GPC5: variants seen among roughly 807,000 people sequenced by gnomAD.
The protein encoded by GPC5 is glypican-5.
In GPC5, 47 loss-of-function variants were observed where a neutral mutation model predicts 53.9. The ratio of observed to expected loss-of-function variants is 0.87; its 90% CI spans 0.69 to 1.11. The LOEUF is 1.11. Ranked by LOEUF, GPC5 falls within the 50% of genes most tolerant of loss-of-function variation. GPC5 has a pLI of 0.00. For missense variants in GPC5, 748 were observed against 713.1 expected (o/e 1.05, Z -0.56); for synonymous variants, 286 against 263.3 (o/e 1.09, Z -0.84).
At chr13:92,812,259 C>T (rs552195069) in intron 7 of GPC5, among the ~76,000 whole-genome samples, 2 of 151,830 alleles carry the variant, frequency 1.3e-5, no homozygotes, top group Admixed American at 6.6e-5. Flanking sequence ...TTAATTTTCA[C>T]GATGTTTTAT....
At chr13:92,147,420 G>T (rs1593930403) in intron 7 of GPC5, among the ~76,000 whole-genome samples, 1 of 151,758 alleles carries the variant, frequency 6.6e-6, no homozygotes. Context: ...TGTATAAATA[G>T]TATATTTATA....
chr13:92,095,230 G>T (rs2041412844), intron 6 of GPC5, among the ~76,000 whole-genome samples: 1 of 151,844 alleles, frequency 6.6e-6, no homozygotes, highest in South Asian at 2.1e-4. Flanking sequence ...ATATAAATTG[G>T]GCTTATTAAA....
At chr13:92,436,718 ATAT>A (rs560101143) in intron 7 of GPC5, among the ~76,000 whole-genome samples, 93 of 152,284 alleles carry the variant, frequency 6.1e-4, no homozygotes, top group Non-Finnish European at 9.4e-4. Flanking sequence ...TATTTAATTC[ATAT>A]TATTAGGTTA....
intron 7 of GPC5, among the ~76,000 whole-genome samples, chr13:92,337,581 G>C (rs2043333540): frequency 6.6e-6 from 1 of 152,148 alleles, no homozygotes; most frequent in African/African-American, 2.4e-5. Context: ...AATCAAGACA[G>C]TGTGGTACTG....
At chr13:92,153,099 G>T (rs999949492) in intron 7 of GPC5, among the ~76,000 whole-genome samples, 8 of 152,132 alleles carry the variant, frequency 5.3e-5, no homozygotes, top group African/African-American at 1.7e-4. Context: ...GCTTATCCAT[G>T]CTGATGGATA....
At chr13:92,674,515 T>C (rs374479190) in intron 7 of GPC5, among the ~76,000 whole-genome samples, 6 of 151,398 alleles carry the variant, frequency 4.0e-5, no homozygotes, top group African/African-American at 1.5e-4. Flanking sequence ...AATAATGAAA[T>C]CAAAAATCCA....
At chr13:91,857,561 C>A (rs2038979972) in intron 5 of GPC5, among the ~76,000 whole-genome samples, 1 of 150,010 alleles carries the variant, frequency 6.7e-6, no homozygotes. Flanking sequence ...GTTGTCTGTA[C>A]ATAAAGATTT....
intron 1 of GPC5, among the ~76,000 whole-genome samples, chr13:91,433,002 A>G (rs1879617793): frequency 6.6e-6 from 1 of 152,164 alleles, no homozygotes; most frequent in African/African-American, 2.4e-5. Flanking sequence ...CTTTTGTTCC[A>G]GGTACTGTGG....
At chr13:91,450,857 A>G (rs908047965) in intron 2 of GPC5, among the ~76,000 whole-genome samples, 2 of 152,156 alleles carry the variant, frequency 1.3e-5, no homozygotes, top group Admixed American at 1.3e-4. Flanking sequence ...TTTAAAAGAA[A>G]TTTGCCTAAA....
intron 7 of GPC5, among the ~76,000 whole-genome samples, chr13:92,691,763 G>C (rs1887408065): frequency 6.6e-6 from 1 of 150,382 alleles, no homozygotes; most frequent in Non-Finnish European, 1.5e-5. Flanking sequence ...TATATAGATG[G>C]TTTTAGGGTT....
rs35898536 is a variant in GPC5, at chr13:92,401,139, A to AT, written c.1561+256158dup. 5.3e-3 allele frequency among the ~76,000 whole-genome samples: 790 copies of AT among 149,922 alleles called. 13 individuals are homozygous for AT. The highest frequency in any genetic ancestry group is 0.027 in the Middle Eastern group (8 of 292). The stretch of plus-strand genomic sequence containing the variant: ...GCCAATAATTTATACACTGGCTACT[A>AT]TTTTTTTTGTTTCTAATTCTTCTTT... On this transcript the variant is annotated intron_variant, in intron 7 of 7. Transcript: ENST00000377067.
intron 7 of GPC5, among the ~76,000 whole-genome samples, chr13:92,520,954 G>A (rs1032503251): frequency 3.9e-5 from 6 of 152,120 alleles, no homozygotes; most frequent in African/African-American, 1.4e-4. Flanking sequence ...AAATCAATGT[G>A]CAAAAATCAC....
chr13:91,443,280 C>T (rs1171182229), intron 1 of GPC5, among the ~76,000 whole-genome samples: 10 of 152,068 alleles, frequency 6.6e-5, no homozygotes, highest in Non-Finnish European at 1.0e-4. Context: ...CTTAATCCAA[C>T]GTGACTGTTG....
chr13:92,182,876 GA>G (rs1555317199), intron 7 of GPC5, among the ~76,000 whole-genome samples: 135 of 111,672 alleles, frequency 1.2e-3, no homozygotes, highest in Admixed American at 1.9e-3. Flanking sequence ...CTCAAAAAAA[GA>G]AAAAAAAAAA....
chr13:92,210,655 T>C (rs2042368503), intron 7 of GPC5, among the ~76,000 whole-genome samples: 1 of 152,232 alleles, frequency 6.6e-6, no homozygotes, highest in African/African-American at 2.4e-5. Context: ...AGTTAAGATC[T>C]GTTGGAGTAT....
At chr13:92,188,220 C>A (rs1364068167) in intron 7 of GPC5, among the ~76,000 whole-genome samples, 1 of 152,116 alleles carries the variant, frequency 6.6e-6, no homozygotes, top group Admixed American at 6.5e-5. Flanking sequence ...GTTGAGATAG[C>A]CTTCCATGCA....
At chr13:91,506,225 T>C (rs1884936186) in intron 2 of GPC5, among the ~76,000 whole-genome samples, 1 of 152,120 alleles carries the variant, frequency 6.6e-6, no homozygotes, top group Non-Finnish European at 1.5e-5. Flanking sequence ...TTCTCTAAAG[T>C]TGAGTAATTA....
At chr13:91,743,660 G>A (rs548941523) in intron 4 of GPC5, among the ~76,000 whole-genome samples, 1 of 152,216 alleles carries the variant, frequency 6.6e-6, no homozygotes, top group Non-Finnish European at 1.5e-5. Context: ...AATTGTCTTC[G>A]AACTAGTAGA....
chr13:92,350,284 A>G (rs567862871), intron 7 of GPC5, among the ~76,000 whole-genome samples: 28 of 152,304 alleles, frequency 1.8e-4, no homozygotes, highest in East Asian at 3.9e-4. Context: ...ACTGTACTCA[A>G]TGGTAAAAAA....
Sources: gnomAD v4.1 joint callset for allele counts (sites outside exome capture counted in the v4.1 genomes callset) on GRCh38, gnomAD v4.1.1 for gene constraint, MANE v1.5 for transcripts, NCBI Gene and HGNC (gene_info 2026-07-23, HGNC 2026-07-21) for gene names.